The following IKZF2 variants were observed in gnomAD, a reference collection of about 807,000 sequenced individuals.
IKZF2 encodes IKAROS family zinc finger 2, also known as zinc finger protein Helios.
IKZF2 carries 15 observed loss-of-function variants against 49.2 expected under a neutral mutation model. The ratio of observed to expected loss-of-function variants is 0.30; its 90% CI spans 0.20 to 0.47. IKZF2 has a LOEUF of 0.47. Among genes scored for constraint, IKZF2 ranks in the 20% least tolerant of loss-of-function variants. The pLI is 1.00. For missense variants in IKZF2, 567 were observed against 664.6 expected (o/e 0.85, Z 1.61); for synonymous variants, 227 against 221.4 (o/e 1.03, Z -0.23).
At chr2:213,123,056 A>G (rs1346027002) in intron 4 of IKZF2, among the ~76,000 whole-genome samples, 23 of 152,342 alleles carry the variant, frequency 1.5e-4, no homozygotes, top group Non-Finnish European at 1.5e-4. Context: ...GGCAAGGGAG[A>G]AATAAGAAGT....
intron 5 of IKZF2, among the ~76,000 whole-genome samples, chr2:213,053,744 T>C (rs1448896597): frequency 1.3e-5 from 2 of 152,220 alleles, no homozygotes; most frequent in Non-Finnish European, 2.9e-5. Flanking sequence ...CTTCTCTCTA[T>C]ATTCCCAGTG....
At chr2:213,101,250 A>G (rs954329850) in intron 4 of IKZF2, among the ~76,000 whole-genome samples, 1 of 152,144 alleles carries the variant, frequency 6.6e-6, no homozygotes, top group Non-Finnish European at 1.5e-5. Flanking sequence ...AAATGTTTTC[A>G]TTAGTTATTT....
intron 4 of IKZF2, chr2:213,147,471 C>T: frequency 1.7e-6 from 1 of 602,082 alleles, no homozygotes; most frequent in Non-Finnish European, 3.0e-6. Flanking sequence ...CCTTTCTTAC[C>T]TGATACAGGT....
Position 213,022,066 on chromosome 2 carries a change from C to T in IKZF2, c.639G>A (p.Glu213=), listed in dbSNP as rs755864959. ...GATAGTTGTGGCAGCGTTCCTTGTGCTCCTCCAGTGAACTGCGCTGCTTGT... is the reference window on the plus strand; with the variant it reads ...GATAGTTGTGGCAGCGTTCCTTGTGTTCCTCCAGTGAACTGCGCTGCTTGT... The part of the protein sequence containing the change: ...RSYKQRSSLE[E]HKERCHNYLQ... The change falls in exon 7 of 9, where the codon GAG becomes GAA. Residue 213 remains glutamate (E), a synonymous_variant. Coordinates refer to ENST00000434687, the MANE Select transcript of IKZF2 (RefSeq NM_001387220.1). 4.3e-6 allele frequency: 7 copies of T among 1,613,884 alleles called. No homozygotes were observed. In the South Asian group the frequency reaches 6.6e-5, roughly 15 times the overall value.
intron 4 of IKZF2, among the ~76,000 whole-genome samples, chr2:213,059,253 T>G (rs1305102986): frequency 6.6e-6 from 1 of 151,794 alleles, no homozygotes; most frequent in Non-Finnish European, 1.5e-5. Context: ...CTTTATATAT[T>G]AAGGAACTTA....
chr2:213,138,646 T>A (rs1259848920), intron 4 of IKZF2, among the ~76,000 whole-genome samples: 1 of 152,028 alleles, frequency 6.6e-6, no homozygotes, highest in African/African-American at 2.4e-5. Flanking sequence ...AAGATTCACA[T>A]CTGGAAAACC....
chr2:213,044,239 C>G (rs942749865), intron 6 of IKZF2, among the ~76,000 whole-genome samples: 1 of 152,200 alleles, frequency 6.6e-6, no homozygotes, highest in Non-Finnish European at 1.5e-5. Flanking sequence ...CTCTTTCAGG[C>G]TAGAGCTAGT....
chr2:213,047,438 G>A (rs1446802721), intron 6 of IKZF2, among the ~76,000 whole-genome samples: 3 of 152,134 alleles, frequency 2.0e-5, no homozygotes, highest in Non-Finnish European at 2.9e-5. Context: ...CAGAAGGCAT[G>A]AGTCTGAGAA....
Position 213,129,277 on chromosome 2 carries a change from T to C in IKZF2, c.139+18431A>G, listed in dbSNP as rs567230990. On this transcript the variant is annotated intron_variant, in intron 4 of 8. Coordinates refer to ENST00000434687, the MANE Select transcript of IKZF2 (RefSeq NM_001387220.1). ...ATACTATTAAGTATAATAAAGAAAA[T>C]AAAACAGGATAATGTCATAGAATGC... is the stretch of plus-strand genomic sequence containing the variant. Among the ~76,000 whole-genome samples the C allele has an allele frequency of 2.8e-4, 41 of 148,234 alleles. 1 individual carries two copies. Among genetic ancestry groups the C allele is most frequent in the Admixed American group, 2.6e-3 (38 of 14,744 alleles).
intron 4 of IKZF2, among the ~76,000 whole-genome samples, chr2:213,079,432 G>T (rs1703658180): frequency 8.6e-6 from 1 of 115,654 alleles, no homozygotes; most frequent in Admixed American, 7.9e-5. Context: ...AGGAAGGAAG[G>T]AAGGAAAGGA....
intron 4 of IKZF2, among the ~76,000 whole-genome samples, chr2:213,116,593 A>G (rs1193958496): frequency 6.6e-6 from 1 of 152,070 alleles, no homozygotes; most frequent in African/African-American, 2.4e-5. Context: ...AAAAAATTAT[A>G]CAGGCAGGGT....
intron 4 of IKZF2, among the ~76,000 whole-genome samples, chr2:213,083,451 C>T (rs940597255): frequency 6.7e-5 from 9 of 134,708 alleles, no homozygotes; most frequent in African/African-American, 2.7e-4. Flanking sequence ...AGTGCAATGG[C>T]GCAATCTTGG....
At chr2:213,147,669 C>A in intron 4 of IKZF2, 39 bp downstream of exon 4, 1 of 1,430,768 alleles carries the variant, frequency 7.0e-7, no homozygotes, top group Non-Finnish European at 9.9e-7. Context: ...GCTGGAGAGA[C>A]ACACACACAC....
intron 4 of IKZF2, among the ~76,000 whole-genome samples, chr2:213,100,520 T>C (rs1436771895): frequency 2.6e-5 from 4 of 152,022 alleles, no homozygotes; most frequent in Non-Finnish European, 5.9e-5. Context: ...TAGGGGCCCC[T>C]TGGTGAAAGC....
chr2:213,008,132 A>AT (rs756575076), intron 8 of IKZF2, 48 bp from the exon 9 acceptor site: 10,438 of 1,022,816 alleles, frequency 0.01, 4 homozygotes, highest in Non-Finnish European at 0.012. Flanking sequence ...AAAAAAATAC[A>AT]ACAACATTAG....
chr2:213,041,339 T>TG (rs112857321), intron 6 of IKZF2, among the ~76,000 whole-genome samples: 31,227 of 131,052 alleles, frequency 0.24, 3,816 homozygotes, highest in Non-Finnish European at 0.32. Context: ...AATCTTTTTT[T>TG]GGGGGGGGTG....
At chr2:213,101,394 T>G (rs1298594324) in intron 4 of IKZF2, among the ~76,000 whole-genome samples, 3 of 152,074 alleles carry the variant, frequency 2.0e-5, no homozygotes, top group African/African-American at 7.2e-5. Flanking sequence ...TACCTTTACC[T>G]ATGGTTATCC....
At chr2:213,144,206 C>A (rs1372221229) in intron 4 of IKZF2, among the ~76,000 whole-genome samples, 1 of 151,866 alleles carries the variant, frequency 6.6e-6, no homozygotes, top group Non-Finnish European at 1.5e-5. Flanking sequence ...CTTCCGATTC[C>A]ATACATGCCA....
chr2:213,029,369 A>T (rs1221342686), intron 6 of IKZF2, among the ~76,000 whole-genome samples: 1 of 151,992 alleles, frequency 6.6e-6, no homozygotes, highest in African/African-American at 2.4e-5. Flanking sequence ...TTCAGAGTGT[A>T]TATTTCTTCC....
Sources: allele counts gnomAD v4.1 joint callset (sites outside exome capture counted in the v4.1 genomes callset), GRCh38; gene constraint gnomAD v4.1.1; transcripts MANE v1.5; gene names NCBI Gene and HGNC (gene_info 2026-07-23, HGNC 2026-07-21).